RHPN2: variants seen among roughly 807,000 people sequenced by gnomAD.
RHPN2 encodes the protein rhophilin Rho GTPase binding protein 2, also known as rhophilin-2.
RHPN2 carries 40 observed loss-of-function variants against 79.0 expected under a neutral mutation model. The ratio of observed to expected loss-of-function variants is 0.51; its 90% confidence interval spans 0.39 to 0.66. The LOEUF is 0.66. Among genes scored for constraint, RHPN2 ranks in the 30% least tolerant of loss-of-function variants. RHPN2 has a pLI of 0.00. For missense variants in RHPN2, 686 were observed against 883.5 expected, an observed-to-expected ratio of 0.78 and a Z score of 2.83; for synonymous variants, 285 against 363.5, an observed-to-expected ratio of 0.78 and a Z score of 2.46.
chr19:33,059,815 C>T (rs1244717528), intron 1 of RHPN2, among the ~76,000 whole-genome samples: 3 of 152,192 alleles, frequency 2.0e-5, no homozygotes, highest in African/African-American at 7.2e-5. Context: ...TGACTTGTCA[C>T]GCCTTGCTCG....
intron 14 of RHPN2, among the ~76,000 whole-genome samples, chr19:32,985,790 T>G (rs765029129): frequency 8.5e-5 from 13 of 152,124 alleles, no homozygotes; most frequent in Non-Finnish European, 1.6e-4. Flanking sequence ...CACCACCACA[T>G]CCTGCTAATT....
intron 10 of RHPN2, among the ~76,000 whole-genome samples, chr19:32,996,869 C>A (rs775599165): frequency 6.6e-6 from 1 of 151,954 alleles, no homozygotes; most frequent in Non-Finnish European, 1.5e-5. Flanking sequence ...TTACAACAAG[C>A]CTTTTATTAA....
chr19:33,035,762 G>C (rs1972050786), intron 2 of RHPN2, among the ~76,000 whole-genome samples: 1 of 152,164 alleles, frequency 6.6e-6, no homozygotes, highest in East Asian at 1.9e-4. Context: ...ACCCAGACCT[G>C]GGAGTGTCCA....
At chr19:33,057,171 C>CCT (rs34378143) in intron 1 of RHPN2, among the ~76,000 whole-genome samples, 59,365 of 147,156 alleles carry the variant, frequency 0.4, 14,949 homozygotes, top group African/African-American at 0.71. Context: ...ACAGTGAGAC[C>CCT]GTCTCTACAA....
At chr19:32,998,809 G>A (rs1599811428) in intron 10 of RHPN2, among the ~76,000 whole-genome samples, 1 of 125,862 alleles carries the variant, frequency 7.9e-6, no homozygotes, top group Non-Finnish European at 1.7e-5. Context: ...GGGAGGGGAG[G>A]AGGGGAGAGG....
intron 10 of RHPN2, among the ~76,000 whole-genome samples, chr19:32,998,452 G>A (rs1971720325): frequency 6.6e-6 from 1 of 152,018 alleles, no homozygotes; most frequent in South Asian, 2.1e-4. Flanking sequence ...AAACCAGCCT[G>A]GGCAACATAG....
chr19:32,981,372 C>T (rs1282741571), intron 14 of RHPN2, among the ~76,000 whole-genome samples: 3 of 124,020 alleles, frequency 2.4e-5, no homozygotes, highest in African/African-American at 3.1e-5. Flanking sequence ...CACTGCACTC[C>T]AGCCTGGGCG....
chr19:33,007,712 T>G (rs991015888), intron 7 of RHPN2, among the ~76,000 whole-genome samples: 3 of 151,190 alleles, frequency 2.0e-5, no homozygotes, highest in Non-Finnish European at 4.4e-5. Flanking sequence ...ACCATGTACA[T>G]CAGCCATCCC....
intron 3 of RHPN2, among the ~76,000 whole-genome samples, chr19:33,023,303 T>C (rs1206602893): frequency 2.6e-5 from 4 of 151,190 alleles, no homozygotes; most frequent in African/African-American, 4.9e-5. Flanking sequence ...GGCATGGTGA[T>C]GTGTGCCTGT....
At position 33,021,618 on chromosome 19, in the gene RHPN2, G is replaced by A; in HGVS notation, c.343C>T (p.Leu115Phe). The change falls in exon 4 of 15, where the codon CTT (leucine) becomes TTT (phenylalanine). Residue 115 changes from leucine to phenylalanine, a missense_variant. Physicochemically the swap from Leu to Phe is conservative, Grantham distance 22. Transcript: ENST00000254260. ...EEAFTIPLIP[L>F]GLKETKDVDF... is the part of the protein sequence containing the mutation. ...ACGTCTTTCGTTTCCTTCAGGCCAA[G>A]AGGAATCAGGGGAATCGTAAATGCC... is the stretch of plus-strand genomic sequence containing the variant. 1 of 1,613,960 alleles carries A rather than the reference G, an allele frequency of 6.2e-7. No individual in the cohort carries two copies.
chr19:33,028,572 T>C (rs1440643853), intron 2 of RHPN2, among the ~76,000 whole-genome samples: 1 of 152,124 alleles, frequency 6.6e-6, no homozygotes, highest in Non-Finnish European at 1.5e-5. Context: ...TCACAAGACA[T>C]GTAAACTGAA....
At chr19:32,996,276 A>G (rs11084689) in intron 10 of RHPN2, 56 bp from the exon 11 acceptor site, 1,205,589 of 1,601,082 alleles carry the variant, frequency 0.75, 457,147 homozygotes, top group African/African-American at 0.95. Flanking sequence ...CAGAGCATAA[A>G]GGCCCAAGGG....
chr19:33,037,982 T>G (rs1017218290), intron 2 of RHPN2, among the ~76,000 whole-genome samples: 2 of 152,026 alleles, frequency 1.3e-5, no homozygotes, highest in East Asian at 3.9e-4. Context: ...GCACGAGGAT[T>G]GCTTGAGCCC....
At chr19:32,991,285 G>A (rs193019086) in intron 13 of RHPN2, 47 of 189,520 alleles carry the variant, frequency 2.5e-4, no homozygotes, top group African/African-American at 1.0e-3. Context: ...GTGAAACCCC[G>A]TCTCTACTAA....
chr19:33,059,609 C>G (rs1293187694), intron 1 of RHPN2, among the ~76,000 whole-genome samples: 1 of 152,012 alleles, frequency 6.6e-6, no homozygotes, highest in Non-Finnish European at 1.5e-5. Flanking sequence ...ACACCTTTGT[C>G]TTTAACCAGC....
At chr19:32,987,036 C>A (rs559138162) in intron 14 of RHPN2, among the ~76,000 whole-genome samples, 26 of 151,598 alleles carry the variant, frequency 1.7e-4, no homozygotes, top group Non-Finnish European at 2.2e-4. Context: ...GCCACCATGC[C>A]TCGCTAATTT....
intron 5 of RHPN2, among the ~76,000 whole-genome samples, chr19:33,012,128 A>G (rs1246435141): frequency 2.8e-5 from 4 of 142,930 alleles, no homozygotes; most frequent in Non-Finnish European, 6.0e-5. Flanking sequence ...TGTAACTTCC[A>G]CCTACCAGGT....
At chr19:33,032,013 G>A (rs1437272154) in intron 2 of RHPN2, among the ~76,000 whole-genome samples, 5 of 129,490 alleles carry the variant, frequency 3.9e-5, no homozygotes, top group Admixed American at 3.2e-4. Flanking sequence ...CCACCGGGCC[G>A]GTCTTTTTTT....
chr19:33,008,079 G>A lies in RHPN2; in HGVS notation c.695C>T (p.Thr232Ile), dbSNP rs769894495. The A allele has an allele frequency of 3.7e-5, 59 of 1,613,638 alleles. No homozygotes were observed. The highest frequency in any genetic ancestry group is 5.0e-5 in the Non-Finnish European group (59 of 1,179,980). ...AGCCTGCGTCTGCCGATCACACCGG[G>A]TCCCAATCTGGGTGTAGAGGGCCCC... Reference protein sequence around the residue: ...NTGALYTQIGTRCDRQTQAGL... With the variant: ...NTGALYTQIGIRCDRQTQAGL... Residue 232 changes from threonine to isoleucine, a missense_variant, in exon 7 of 15, where the codon ACC (threonine) becomes ATC (isoleucine). Coordinates refer to ENST00000254260, the MANE Select transcript of RHPN2 (RefSeq NM_033103.5).
Sources: gnomAD v4.1 joint callset for allele counts (sites outside exome capture counted in the v4.1 genomes callset) on GRCh38, gnomAD v4.1.1 for gene constraint, MANE v1.5 for transcripts, NCBI Gene and HGNC (gene_info 2026-07-23, HGNC 2026-07-21) for gene names.